PCDHA7: variants seen among roughly 807,000 people sequenced by gnomAD.
The protein encoded by PCDHA7 is protocadherin alpha-7.
In PCDHA7, 37 loss-of-function variants were observed where a neutral mutation model predicts 57.2. That is an observed-to-expected ratio of 0.65 (90% CI 0.50 to 0.85). The LOEUF is 0.85. Among genes scored for constraint, PCDHA7 ranks in the 40% least tolerant of loss-of-function variants. The pLI is 0.00. For synonymous variants in PCDHA7, 553 were observed against 558.8 expected (o/e 0.99, Z 0.15); for missense variants, 1,188 against 1,241.8 (o/e 0.96, Z 0.65).
At chr5:140,838,145 A>G (rs1356834220) in intron 1 of PCDHA7, among the ~76,000 whole-genome samples, 8 of 118,544 alleles carry the variant, frequency 6.7e-5, no homozygotes, top group Non-Finnish European at 1.1e-4. Flanking sequence ...ACAGAGTTTT[A>G]CTCTGTCGCC....
chr5:140,967,072 C>A, intron 1 of PCDHA7: 7 of 1,613,106 alleles, frequency 4.3e-6, no homozygotes, highest in Non-Finnish European at 5.9e-6. Context: ...TCTTCGTCAA[C>A]GAGCGCATTG....
At chr5:140,839,248 A>G (rs1776116247) in intron 1 of PCDHA7, among the ~76,000 whole-genome samples, 1 of 151,994 alleles carries the variant, frequency 6.6e-6, no homozygotes, top group Non-Finnish European at 1.5e-5. Flanking sequence ...CTTTGCTTTT[A>G]TGCTTACATG....
At chr5:140,944,413 C>T (rs892243235) in intron 1 of PCDHA7, among the ~76,000 whole-genome samples, 3 of 152,292 alleles carry the variant, frequency 2.0e-5, no homozygotes, top group African/African-American at 7.2e-5. Context: ...TCTCGAACTC[C>T]TGATCTGAAG....
At position 140,856,397 on chromosome 5, in the gene PCDHA7, C is replaced by T. The variant is rs782776522; in HGVS notation, c.2355+19659C>T. On this transcript the variant is annotated intron_variant, in intron 1 of 3. Coordinates refer to ENST00000525929, the MANE Select transcript of PCDHA7 (RefSeq NM_018910.3). ...CGTGGACAGGCCGCTGCAGGTTTTC[C>T]ATGTGGACGTGGAAGTGAAGGACAT... 3.6e-5 allele frequency: 58 copies of T among 1,598,382 alleles called. 7 individuals carry two copies. In the Admixed American group the frequency reaches 4.9e-4, roughly 13 times the overall value.
chr5:140,850,200 C>T, intron 1 of PCDHA7: 1 of 1,593,442 alleles, frequency 6.3e-7, no homozygotes. Context: ...GCTGACACCT[C>T]GGATGAGGGG....
In PCDHA7 at chr5:140,900,434, C is replaced by T. The variant is rs545919996; in HGVS notation, c.2355+63696C>T. On this transcript the variant is annotated intron_variant, in intron 1 of 3. Transcript: ENST00000525929. Reference sequence around the variant, plus strand: ...CTGGGATTATAGGCACGTGCCACCACGGCCGGCTAATTTTTTATTTTTAGT... The same window carrying T: ...CTGGGATTATAGGCACGTGCCACCATGGCCGGCTAATTTTTTATTTTTAGT... Among the ~76,000 whole-genome samples, 18 of 152,264 alleles carry T rather than the reference C, an allele frequency of 1.2e-4. No individual in the cohort carries two copies. The East Asian group carries it at 2.5e-3, about 21-fold the overall frequency.
At chr5:140,899,175 C>G (rs1219166721) in intron 1 of PCDHA7, among the ~76,000 whole-genome samples, 2 of 152,034 alleles carry the variant, frequency 1.3e-5, no homozygotes, top group African/African-American at 4.8e-5. Flanking sequence ...AATTGAATAC[C>G]CTTTATTTCC....
At chr5:140,876,395 T>G in intron 1 of PCDHA7, 1 of 1,613,920 alleles carries the variant, frequency 6.2e-7, no homozygotes, top group Non-Finnish European at 8.5e-7. Flanking sequence ...TATGGTGAAC[T>G]GGATTTTGAA....
At chr5:140,982,336 A>G in intron 2 of PCDHA7, 139 bp from the exon 3 acceptor site, 1 of 1,449,074 alleles carries the variant, frequency 6.9e-7, no homozygotes, top group Non-Finnish European at 9.2e-7. Context: ...GCTCAGCAGT[A>G]ATTGCTTCAG....
chr5:140,913,955 AT>A (rs2076529735), intron 1 of PCDHA7, among the ~76,000 whole-genome samples: 2 of 152,108 alleles, frequency 1.3e-5, no homozygotes, highest in African/African-American at 2.4e-5. Context: ...ATATGATATC[AT>A]TTTTAAAAAA....
chr5:140,929,398 AG>A, intron 1 of PCDHA7: 1 of 1,510,096 alleles, frequency 6.6e-7, no homozygotes, highest in Non-Finnish European at 8.9e-7. Flanking sequence ...AATATTTCTT[AG>A]ACAAGCCTTT....
At position 140,857,211 on chromosome 5, in the gene PCDHA7, T is replaced by C; in HGVS notation, c.2355+20473T>C. 5 of 1,598,632 alleles carry C rather than the reference T, an allele frequency of 3.1e-6. 1 individual carries two copies. Among genetic ancestry groups the C allele is most frequent in the Non-Finnish European group, 4.3e-6 (5 of 1,167,976 alleles). On this transcript the variant is annotated intron_variant, in intron 1 of 3. Coordinates refer to ENST00000525929, the MANE Select transcript of PCDHA7 (RefSeq NM_018910.3). ...GCCAACGGACAGGTCACCTGCTCTCTGACGCCTCACGTTCCGTTCAAGCTG... is the reference window on the plus strand; with the variant it reads ...GCCAACGGACAGGTCACCTGCTCTCCGACGCCTCACGTTCCGTTCAAGCTG...
chr5:140,858,039 T>C lies in PCDHA7; in HGVS notation c.2355+21301T>C, dbSNP rs782597618. On this transcript the variant is annotated intron_variant, in intron 1 of 3. Transcript: ENST00000525929. ...CCGTCGCTGACGGCCACGGCCACTG[T>C]GCTTGTGTCGCTTGTGGAGGGCAGC... 1.1e-5 allele frequency: 18 copies of C among 1,596,560 alleles called. 2 individuals are homozygous for C. The highest frequency in any genetic ancestry group is 5.5e-5 in the South Asian group (5 of 90,506).
chr5:140,887,196 A>T (rs180902279), intron 1 of PCDHA7, among the ~76,000 whole-genome samples: 49 of 151,316 alleles, frequency 3.2e-4, no homozygotes, highest in African/African-American at 1.1e-3. Context: ...TCCCGGGTTC[A>T]CGCCATTCTC....
At chr5:140,872,661 TA>T (rs1211452464) in intron 1 of PCDHA7, among the ~76,000 whole-genome samples, 12 of 152,166 alleles carry the variant, frequency 7.9e-5, no homozygotes, top group African/African-American at 2.9e-4. Flanking sequence ...ATTTGTCAAC[TA>T]TTGGATACTC....
At chr5:140,930,814 T>A (rs1554208117) in intron 1 of PCDHA7, among the ~76,000 whole-genome samples, 1 of 152,210 alleles carries the variant, frequency 6.6e-6, no homozygotes, top group Non-Finnish European at 1.5e-5. Flanking sequence ...AAGATATGCT[T>A]AGTAAATGCT....
chr5:140,853,932 G>C, intron 1 of PCDHA7: 6 of 869,474 alleles, frequency 6.9e-6, no homozygotes, highest in Non-Finnish European at 8.4e-6. Flanking sequence ...ATTTTGGGAG[G>C]CCAAGGTGGG....
chr5:140,968,221 T>C, intron 1 of PCDHA7: 1 of 1,613,918 alleles, frequency 6.2e-7, no homozygotes, highest in Admixed American at 1.7e-5. Context: ...ATTTGCCAGG[T>C]GTGTTGCTCT....
chr5:140,834,720 C>G lies in PCDHA7; in HGVS notation c.337C>G (p.Pro113Ala). Residue 113 changes from proline to alanine, a missense_variant, in exon 1 of 4, where the codon CCG becomes GCG. Physicochemically the swap from Pro to Ala is conservative, Grantham distance 27. Around this residue, in one of 3 missense-constraint regions of PCDHA7, gnomAD observed 194 missense variants for 185.8 expected, o/e 1.04. Coordinates refer to ENST00000525929, the MANE Select transcript of PCDHA7 (RefSeq NM_018910.3). ...CCACCTGGAGGTGATCGTGGAAAGG[C>G]CGCTGCAGGTTTTCCATGTGGACGT... ...SIHLEVIVER[P>A]LQVFHVDVEV... The G allele has an allele frequency of 6.2e-7, 1 of 1,614,234 alleles. No individual in the cohort carries two copies. The highest frequency in any genetic ancestry group is 8.5e-7 in the Non-Finnish European group (1 of 1,180,048).
Sources: allele counts gnomAD v4.1 joint callset (sites outside exome capture counted in the v4.1 genomes callset), GRCh38; gene constraint gnomAD v4.1.1; regional missense constraint gnomAD v4.1.1; transcripts MANE v1.5; gene names NCBI Gene and HGNC (gene_info 2026-07-23, HGNC 2026-07-21).